Variants in RTL4 observed in about 807,000 individuals in gnomAD.
RTL4 encodes the protein retrotransposon Gag-like protein 4.
Under a neutral mutation model 5.3 loss-of-function variants are expected in RTL4, and 4 were observed. The ratio of observed to expected loss-of-function variants is 0.75; its 90% confidence interval spans 0.37 to 1.72. The LOEUF (loss-of-function observed/expected upper bound fraction) is 1.72, where lower values mean the gene tolerates loss of function less well. Ranked by LOEUF, RTL4 falls within the 40% of genes most tolerant of loss-of-function variation. The probability of loss-of-function intolerance (pLI) is 0.04; values close to 1 mark genes in which losing one functional copy is unlikely to be tolerated. For synonymous variants in RTL4, 98 were observed against 87.3 expected (o/e 1.12, Z -0.68); for missense variants, 260 against 227.1 (o/e 1.14, Z -0.93).
the RTL4 span, among the ~76,000 whole-genome samples, chrX:112,134,372 T>C: frequency 7.1e-5 from 8 of 112,201 alleles, no homozygotes; most frequent in African/African-American, 2.3e-4. Context: ...GACTTGGACA[T>C]ACAGTTTGGT....
the RTL4 span, among the ~76,000 whole-genome samples, chrX:112,272,795 AT>A: frequency 3.6e-5 from 4 of 110,029 alleles, no homozygotes; most frequent in African/African-American, 6.6e-5. Context: ...TTAGACTCTA[AT>A]TTTTTTTTAT....
the RTL4 span, among the ~76,000 whole-genome samples, chrX:112,156,713 G>C: frequency 8.9e-6 from 1 of 111,870 alleles, no homozygotes; most frequent in Non-Finnish European, 1.9e-5. Flanking sequence ...CTTCACCACT[G>C]CTTGTCATTA....
the RTL4 span, among the ~76,000 whole-genome samples, chrX:112,245,240 C>G: frequency 1.8e-5 from 2 of 111,139 alleles, no homozygotes; most frequent in Admixed American, 1.9e-4. Context: ...GAATGTTGGC[C>G]TGCCTTGCTA....
the RTL4 span, among the ~76,000 whole-genome samples, chrX:112,393,147 CTT>C: frequency 1.4e-4 from 11 of 81,450 alleles, no homozygotes; most frequent in Admixed American, 4.0e-4. Flanking sequence ...TTCTTTCTTT[CTT>C]TTTTTTTTTT....
the RTL4 span, among the ~76,000 whole-genome samples, chrX:112,087,253 C>T: frequency 1.8e-5 from 2 of 110,516 alleles, no homozygotes; most frequent in African/African-American, 6.6e-5. Context: ...TAAAAACTAT[C>T]CCTCATGGAA....
At chrX:112,455,589 T>A (rs1926827150) in exon 1 of RTL4, 1 of 1,211,600 alleles carries the variant, frequency 8.3e-7, no homozygotes, top group South Asian at 1.8e-5. Flanking sequence ...GCCAATCTGG[T>A]CACTTCACAA....
the RTL4 span, among the ~76,000 whole-genome samples, chrX:112,112,856 G>A: frequency 9.0e-6 from 1 of 111,715 alleles, no homozygotes; most frequent in African/African-American, 3.3e-5. Flanking sequence ...GGGAGTCAGA[G>A]TGCAGGGGAA....
the RTL4 span, among the ~76,000 whole-genome samples, chrX:112,214,688 G>A: frequency 9.0e-6 from 1 of 111,570 alleles, no homozygotes. Context: ...TTTTTGTTTT[G>A]TTTTGTTTTG....
the RTL4 span, among the ~76,000 whole-genome samples, chrX:112,335,524 C>T: frequency 9.0e-6 from 1 of 110,702 alleles, no homozygotes; most frequent in African/African-American, 3.3e-5. Context: ...TTATGTTTTT[C>T]TCCTATCGTG....
chrX:112,364,386 G>C, the RTL4 span, among the ~76,000 whole-genome samples: 1 of 111,610 alleles, frequency 9.0e-6, no homozygotes, highest in Non-Finnish European at 1.9e-5. Context: ...CCTGATAAAG[G>C]CATTGAGGCT....
chrX:112,406,674 G>C, the RTL4 span, among the ~76,000 whole-genome samples: 2 of 110,942 alleles, frequency 1.8e-5, no homozygotes, highest in African/African-American at 6.6e-5. Flanking sequence ...AACTGAAGTG[G>C]CTAAAGGAGT....
At chrX:112,163,540 C>A in the RTL4 span, among the ~76,000 whole-genome samples, 1 of 111,809 alleles carries the variant, frequency 8.9e-6, no homozygotes, top group Middle Eastern at 4.2e-3. Context: ...CTGAGGCCTA[C>A]ATGTCTTTTT....
At chrX:112,381,273 G>T in the RTL4 span, 1 of 1,207,649 alleles carries the variant, frequency 8.3e-7, no homozygotes, top group Middle Eastern at 2.3e-4. Flanking sequence ...GGTGCGACTA[G>T]GTTTGCTGAG....
the RTL4 span, among the ~76,000 whole-genome samples, chrX:112,337,721 C>A: frequency 1.9e-4 from 21 of 111,570 alleles, no homozygotes; most frequent in African/African-American, 6.2e-4. Flanking sequence ...TTTGTTCTGC[C>A]TTATCTTCAT....
At chrX:112,238,990 A>G in the RTL4 span, among the ~76,000 whole-genome samples, 1 of 111,537 alleles carries the variant, frequency 9.0e-6, no homozygotes, top group African/African-American at 3.3e-5. Context: ...CTATATTCCA[A>G]TCTCCCCACT....
At chrX:112,446,941 G>A in the RTL4 span, among the ~76,000 whole-genome samples, 1 of 112,088 alleles carries the variant, frequency 8.9e-6, no homozygotes, top group Non-Finnish European at 1.9e-5. Context: ...TGGCTGTTAT[G>A]GACAGATCGT....
the RTL4 span, among the ~76,000 whole-genome samples, chrX:112,100,600 G>T: frequency 1.8e-5 from 2 of 111,339 alleles, no homozygotes; most frequent in Non-Finnish European, 3.8e-5. Context: ...AAATATCAGG[G>T]GCATAAACTA....
chrX:112,308,597 T>C, the RTL4 span, among the ~76,000 whole-genome samples: 1 of 111,786 alleles, frequency 8.9e-6, no homozygotes, highest in Non-Finnish European at 1.9e-5. Context: ...ATACCAGACA[T>C]ATCTTTCTGG....
chrX:112,273,598 A>G, the RTL4 span, among the ~76,000 whole-genome samples: 2 of 111,721 alleles, frequency 1.8e-5, no homozygotes, highest in East Asian at 5.7e-4. Context: ...TTCAGCACAG[A>G]GTCTGGCAAG....
Sources: gnomAD v4.1 joint callset for allele counts (sites outside exome capture counted in the v4.1 genomes callset) on GRCh38, gnomAD v4.1.1 for gene constraint, MANE v1.5 for transcripts, NCBI Gene and HGNC (gene_info 2026-07-23, HGNC 2026-07-21) for gene names.